The following ROBO2 variants were observed in gnomAD, a reference collection of about 807,000 sequenced individuals.
The protein encoded by ROBO2 is roundabout homolog 2.
ROBO2 carries 53 observed loss-of-function variants against 160.8 expected under a neutral mutation model. The observed-to-expected ratio is 0.33, with a 90% CI of 0.26 to 0.41. The LOEUF (loss-of-function observed/expected upper bound fraction) is 0.41. Ranked by LOEUF, ROBO2 falls within the 10% of genes least tolerant of loss-of-function variation. ROBO2 has a pLI of 1.00. For missense variants in ROBO2, 1,577 were observed against 1,722.4 expected (o/e 0.92, Z 1.49); for synonymous variants, 664 against 611.7 (o/e 1.09, Z -1.26).
intron 2 of ROBO2, among the ~76,000 whole-genome samples, chr3:77,404,548 C>T (rs957729619): frequency 1.4e-4 from 21 of 152,082 alleles, no homozygotes; most frequent in African/African-American, 4.8e-4. Context: ...ATGTATTTTG[C>T]AGTTCAAAGC....
intron 2 of ROBO2, among the ~76,000 whole-genome samples, chr3:77,279,094 T>C (rs1215052512): frequency 1.3e-5 from 2 of 152,130 alleles, no homozygotes; most frequent in Non-Finnish European, 2.9e-5. Flanking sequence ...TGTTGTGAGA[T>C]GTGTTAAGGG....
At chr3:77,118,552 C>T (rs2150242137) in intron 2 of ROBO2, among the ~76,000 whole-genome samples, 1 of 152,264 alleles carries the variant, frequency 6.6e-6, no homozygotes, top group South Asian at 2.1e-4. Context: ...GAGATGCTCC[C>T]TACGTGCACT....
At chr3:76,895,806 A>G (rs1333294381) in intron 2 of ROBO2, among the ~76,000 whole-genome samples, 1 of 152,224 alleles carries the variant, frequency 6.6e-6, no homozygotes, top group Non-Finnish European at 1.5e-5. Context: ...CTACTTTAGA[A>G]TAAGACATTT....
Position 76,618,968 on chromosome 3 carries a change from T to A in ROBO2, c.110-479046T>A, listed in dbSNP as rs1285495303. On this transcript the variant is annotated intron_variant, in intron 2 of 26. Transcript: ENST00000487694. ...CATCTGTTCCACTAAAAAGAAATAATTTTTAAGGGCCACTTGGAGAGTAAG... is the reference window on the plus strand; with the variant it reads ...CATCTGTTCCACTAAAAAGAAATAAATTTTAAGGGCCACTTGGAGAGTAAG... 1.3e-5 allele frequency among the ~76,000 whole-genome samples: 2 copies of A among 151,794 alleles called. 1 individual carries two copies. Among genetic ancestry groups the A allele is most frequent in the African/African-American group, 4.9e-5 (2 of 41,180 alleles).
At chr3:77,292,852 G>A (rs1370417431) in intron 2 of ROBO2, among the ~76,000 whole-genome samples, 2 of 150,940 alleles carry the variant, frequency 1.3e-5, no homozygotes, top group Admixed American at 6.6e-5. Flanking sequence ...GGTAAGCTGA[G>A]GCTAGATCAC....
intron 2 of ROBO2, among the ~76,000 whole-genome samples, chr3:77,244,185 CT>C (rs773363660): frequency 3.9e-5 from 6 of 152,064 alleles, no homozygotes; most frequent in Non-Finnish European, 7.4e-5. Flanking sequence ...ATAAAAGTAC[CT>C]TTTCCTCAAT....
chr3:76,917,067 G>T (rs956159486), intron 2 of ROBO2, among the ~76,000 whole-genome samples: 2 of 152,104 alleles, frequency 1.3e-5, no homozygotes, highest in African/African-American at 4.8e-5. Flanking sequence ...AAAGGCAGGC[G>T]TTGATAATGA....
intron 1 of ROBO2, among the ~76,000 whole-genome samples, chr3:77,057,845 A>T (rs1463225842): frequency 6.6e-6 from 1 of 152,026 alleles, no homozygotes; most frequent in Non-Finnish European, 1.5e-5. Flanking sequence ...TTGGGATTAC[A>T]GGCGTGAGCC....
At chr3:76,138,103 A>C (rs1189582339) in intron 2 of ROBO2, among the ~76,000 whole-genome samples, 2 of 152,018 alleles carry the variant, frequency 1.3e-5, no homozygotes, top group African/African-American at 2.4e-5. Flanking sequence ...ATGATTGATA[A>C]AAAGATAGAA....
At chr3:76,276,016 T>C (rs547956807) in intron 2 of ROBO2, among the ~76,000 whole-genome samples, 1 of 152,188 alleles carries the variant, frequency 6.6e-6, no homozygotes, top group Admixed American at 6.6e-5. Flanking sequence ...GGGATGCTGA[T>C]ATCAGATAAT....
At chr3:77,293,671 T>C (rs1271350264) in intron 2 of ROBO2, among the ~76,000 whole-genome samples, 5 of 133,048 alleles carry the variant, frequency 3.8e-5, no homozygotes, top group African/African-American at 9.5e-5. Context: ...TAAAGTAAAA[T>C]TGATGGTTAA....
intron 2 of ROBO2, among the ~76,000 whole-genome samples, chr3:76,158,466 A>G (rs1442020493): frequency 6.6e-6 from 1 of 151,934 alleles, no homozygotes; most frequent in African/African-American, 2.4e-5. Context: ...AAAAAACTTC[A>G]CAAACTCATG....
intron 2 of ROBO2, among the ~76,000 whole-genome samples, chr3:76,908,752 T>G (rs1475269979): frequency 6.6e-6 from 1 of 152,208 alleles, no homozygotes; most frequent in African/African-American, 2.4e-5. Context: ...GAGTTGGTTA[T>G]TCTACTATTT....
rs144228628 is a variant in ROBO2, at chr3:77,067,028, T to TCACACACA, written c.61+26206_61+26213dup. On this transcript the variant is annotated intron_variant, in intron 1 of 25. Transcript: ENST00000461745. ...CTCACACACTCTCACACACACACAC[T>TCACACACA]CACACACACACACACACACACACAC... Among the ~76,000 whole-genome samples the TCACACACA allele has an allele frequency of 8.7e-3, 1,193 of 136,918 alleles. 15 individuals carry two copies. Among genetic ancestry groups the TCACACACA allele is most frequent in the African/African-American group, 0.028 (1,063 of 38,092 alleles). The allele number at this position is 136,918 out of a possible 152,430, so 89.8% of individuals were successfully genotyped here. A position where few individuals can be genotyped will look rare whatever the true frequency, so the allele number is the denominator to read the frequency against.
chr3:76,896,577 C>A (rs1345723716), intron 2 of ROBO2, among the ~76,000 whole-genome samples: 3 of 151,866 alleles, frequency 2.0e-5, no homozygotes, highest in Admixed American at 1.3e-4. Context: ...TGCTATTATC[C>A]TCAATTCTTA....
chr3:77,577,131 CCTT>C (rs1312045756), intron 14 of ROBO2, among the ~76,000 whole-genome samples: 1 of 152,008 alleles, frequency 6.6e-6, no homozygotes, highest in Non-Finnish European at 1.5e-5. Context: ...CTTACAGTAA[CCTT>C]CTGTTTCCTC....
intron 2 of ROBO2, among the ~76,000 whole-genome samples, chr3:77,400,780 A>T (rs2075727506): frequency 6.6e-6 from 1 of 151,706 alleles, no homozygotes; most frequent in African/African-American, 2.4e-5. Context: ...AGGTATTAAG[A>T]TCTTCACTTC....
chr3:76,210,438 C>A (rs1365927684), intron 2 of ROBO2, among the ~76,000 whole-genome samples: 2 of 151,936 alleles, frequency 1.3e-5, no homozygotes, highest in Admixed American at 6.6e-5. Flanking sequence ...AGGCACAAAT[C>A]AATTTTAAGA....
chr3:76,573,523 ATTTT>A (rs145929489), intron 2 of ROBO2, among the ~76,000 whole-genome samples: 1 of 136,800 alleles, frequency 7.3e-6, no homozygotes. Flanking sequence ...ATAGTTTTCA[ATTTT>A]TTTTTTTTTT....
Sources: allele counts gnomAD v4.1 joint callset (sites outside exome capture counted in the v4.1 genomes callset), GRCh38; gene constraint gnomAD v4.1.1; transcripts MANE v1.5; gene names NCBI Gene and HGNC (gene_info 2026-07-23, HGNC 2026-07-21).